The following HMGB1 variants were observed in gnomAD, a reference collection of about 807,000 sequenced individuals.
HMGB1 encodes high mobility group box 1, also known as high mobility group protein B1.
For synonymous variants in HMGB1, 81 were observed against 84.0 expected (o/e 0.96, Z 0.19); for missense variants, 79 against 253.5 (o/e 0.31, Z 4.67).
At chr13:30,613,554 T>C (rs1950532491) in intron 1 of HMGB1, among the ~76,000 whole-genome samples, 1 of 152,218 alleles carries the variant, frequency 6.6e-6, no homozygotes, top group African/African-American at 2.4e-5. Context: ...GGCATGATTT[T>C]AGTGTTTAAA....
At chr13:30,476,430 C>T (rs940801631) in intron 1 of HMGB1, among the ~76,000 whole-genome samples, 5 of 152,062 alleles carry the variant, frequency 3.3e-5, no homozygotes, top group East Asian at 1.9e-4. Flanking sequence ...TGAGCCATCG[C>T]GCCCAGCCAG....
intron 1 of HMGB1, among the ~76,000 whole-genome samples, chr13:30,563,073 A>G (rs1387262031): frequency 6.6e-6 from 1 of 152,240 alleles, no homozygotes; most frequent in East Asian, 1.9e-4. Flanking sequence ...TACTGTTAAC[A>G]GTAGAGTTTA....
chr13:30,599,786 G>A (rs146539646), intron 1 of HMGB1, among the ~76,000 whole-genome samples: 1 of 152,198 alleles, frequency 6.6e-6, no homozygotes, highest in Non-Finnish European at 1.5e-5. Context: ...TTACGGCCCT[G>A]TGTCCAAATA....
intron 1 of HMGB1, among the ~76,000 whole-genome samples, chr13:30,599,010 C>T (rs1300782903): frequency 2.0e-5 from 3 of 152,128 alleles, no homozygotes; most frequent in Non-Finnish European, 2.9e-5. Flanking sequence ...TGGGGTCTCA[C>T]TATGTTGCCC....
chr13:30,575,032 A>G (rs560733490), intron 1 of HMGB1, among the ~76,000 whole-genome samples: 1 of 152,346 alleles, frequency 6.6e-6, no homozygotes, highest in East Asian at 1.9e-4. Flanking sequence ...TTGATATATT[A>G]AAATCTACCA....
At chr13:30,576,455 G>A (rs568275714) in intron 1 of HMGB1, among the ~76,000 whole-genome samples, 7 of 152,158 alleles carry the variant, frequency 4.6e-5, no homozygotes, top group African/African-American at 7.2e-5. Flanking sequence ...CAAAGAGGCC[G>A]CAGAATGTGT....
chr13:30,464,379 G>C (rs1397472742), intron 1 of HMGB1: 1 of 985,482 alleles, frequency 1.0e-6, no homozygotes, highest in Non-Finnish European at 1.2e-6. Context: ...AGGGACAAAA[G>C]CCACTCCTGC....
chr13:30,493,046 C>T (rs58171661), intron 1 of HMGB1, among the ~76,000 whole-genome samples: 85 of 151,172 alleles, frequency 5.6e-4, no homozygotes, highest in African/African-American at 5.3e-4. Context: ...CATTCAACCT[C>T]GTCGTTCTGC....
chr13:30,596,634 C>CACAT (rs879619095), intron 1 of HMGB1, among the ~76,000 whole-genome samples: 1 of 152,228 alleles, frequency 6.6e-6, no homozygotes, highest in Non-Finnish European at 1.5e-5. Flanking sequence ...CAGACTAAGG[C>CACAT]ACATTCTCTA....
Position 30,461,130 on chromosome 13 carries a change from C to T in HMGB1, c.*227G>A. On this transcript the variant is annotated 3_prime_UTR_variant, in exon 5 of 5. Transcript: ENST00000341423. ...AATTTCCATGCCAATTTACAACCCC[C>T]ATACTGTACCAGGCAAGGTTAGTGG... is the stretch of plus-strand genomic sequence containing the variant. 1 of 1,261,944 alleles carries T rather than the reference C, an allele frequency of 7.9e-7. No homozygotes were observed. Among genetic ancestry groups the T allele is most frequent in the Non-Finnish European group, 1.0e-6 (1 of 999,212 alleles). The allele number at this position is 1,261,944 out of a possible 1,614,324, so 78.2% of individuals were successfully genotyped here.
chr13:30,559,650 C>T lies in HMGB1; in HGVS notation c.-15+57021G>A, dbSNP rs544168650. 7.5e-4 allele frequency among the ~76,000 whole-genome samples: 114 copies of T among 152,244 alleles called. 1 individual carries two copies. The highest frequency in any genetic ancestry group is 2.6e-3 in the African/African-American group (108 of 41,534). ...GAATTCAGCTGCAAATAGATGGACA[C>T]CTGGAATTCTGGGAAGTTCTAGCTG... On this transcript the variant is annotated intron_variant, in intron 1 of 4. Transcript: ENST00000405805. This position sits in a 1 kb window ranked among gnomAD's most constrained non-coding sequence, Gnocchi z 6.6.
intron 1 of HMGB1, among the ~76,000 whole-genome samples, chr13:30,602,238 G>A (rs1253112159): frequency 2.6e-5 from 4 of 152,108 alleles, no homozygotes; most frequent in African/African-American, 4.8e-5. Context: ...CCTCAGACAT[G>A]TCATCGGGGA....
intron 1 of HMGB1, among the ~76,000 whole-genome samples, chr13:30,510,126 C>T (rs568301283): frequency 1.4e-4 from 21 of 152,290 alleles, no homozygotes; most frequent in East Asian, 1.9e-4. Flanking sequence ...CTGCTCAGGC[C>T]GGGCACCGTA....
At chr13:30,486,848 T>C (rs983368516) in intron 1 of HMGB1, among the ~76,000 whole-genome samples, 2 of 152,134 alleles carry the variant, frequency 1.3e-5, no homozygotes, top group South Asian at 2.1e-4. Flanking sequence ...CTAAACAACA[T>C]GATCATGGGA....
chr13:30,514,465 A>G (rs1376221922), intron 1 of HMGB1, among the ~76,000 whole-genome samples: 1 of 151,116 alleles, frequency 6.6e-6, no homozygotes, highest in Non-Finnish European at 1.5e-5. Flanking sequence ...TTAGGACTAC[A>G]GGCATGTGCC....
At chr13:30,583,967 G>A (rs903822141) in intron 1 of HMGB1, among the ~76,000 whole-genome samples, 6 of 151,780 alleles carry the variant, frequency 4.0e-5, no homozygotes, top group Admixed American at 6.6e-5. Flanking sequence ...ACAGCACCAC[G>A]GTGCTCTGGT....
At chr13:30,579,821 T>G (rs1363186288) in intron 1 of HMGB1, among the ~76,000 whole-genome samples, 1 of 152,198 alleles carries the variant, frequency 6.6e-6, no homozygotes, top group Non-Finnish European at 1.5e-5. Context: ...GTGCTTACAT[T>G]GATAGTTGAT....
intron 1 of HMGB1, among the ~76,000 whole-genome samples, chr13:30,523,047 C>T (rs945916730): frequency 6.6e-6 from 1 of 152,248 alleles, no homozygotes; most frequent in African/African-American, 2.4e-5. Flanking sequence ...CTTGCCTTCA[C>T]AGCCTACAGG....
At position 30,613,800 on chromosome 13, in the gene HMGB1, C is replaced by T. The variant is rs545847858; in HGVS notation, c.-15+2871G>A. Among the ~76,000 whole-genome samples the T allele has an allele frequency of 3.3e-4, 50 of 152,004 alleles. 1 individual carries two copies. In the South Asian group the frequency reaches 8.5e-3, roughly 26 times the overall value. ...TAAGTCAAAGTAGACAGGACCCAGC[C>T]GTACCATTGGCTAGGGCACAAATAT... is the stretch of plus-strand genomic sequence containing the variant. On this transcript the variant is annotated intron_variant, in intron 1 of 4. Transcript: ENST00000405805.
Sources: gnomAD v4.1 joint callset for allele counts (sites outside exome capture counted in the v4.1 genomes callset) on GRCh38, gnomAD v4.1.1 for gene constraint, Gnocchi (gnomAD v3.1) non-coding constraint, MANE v1.5 for transcripts, NCBI Gene and HGNC (gene_info 2026-07-23, HGNC 2026-07-21) for gene names.